Variants in ADGRV1 observed in about 807,000 individuals in gnomAD.
The protein encoded by ADGRV1 is G-protein coupled receptor 98.
Under a neutral mutation model 596.2 loss-of-function variants are expected in ADGRV1, and 359 were observed. That is an observed-to-expected ratio of 0.60 (90% CI 0.55 to 0.66). The LOEUF (loss-of-function observed/expected upper bound fraction) is 0.66. ADGRV1 is among the 30% of genes least tolerant of loss of function. ADGRV1 has a pLI of 0.00. For missense variants in ADGRV1, 7,274 were observed against 7,575.6 expected, an observed-to-expected ratio of 0.96 and a Z score of 1.48; for synonymous variants, 2,681 against 2,679.2, an observed-to-expected ratio of 1.00 and a Z score of -0.02.
chr5:90,748,229 T>G (rs1200683237), intron 52 of ADGRV1, among the ~76,000 whole-genome samples: 1 of 152,166 alleles, frequency 6.6e-6, no homozygotes, highest in Admixed American at 6.5e-5. Flanking sequence ...CTCAATCTGG[T>G]CCATTCCTGG....
At chr5:91,049,064 TAA>T (rs35755357) in intron 85 of ADGRV1, among the ~76,000 whole-genome samples, 4 of 148,322 alleles carry the variant, frequency 2.7e-5, no homozygotes, top group African/African-American at 5.0e-5. Flanking sequence ...TGCTTTTCCT[TAA>T]AAAAAAAAAA....
chr5:90,762,008 G>T (rs1473232400), intron 58 of ADGRV1, among the ~76,000 whole-genome samples: 1 of 152,142 alleles, frequency 6.6e-6, no homozygotes, highest in Non-Finnish European at 1.5e-5. Context: ...TAGATTCACA[G>T]CTGAGGTACA....
intron 87 of ADGRV1, among the ~76,000 whole-genome samples, chr5:91,132,979 T>G (rs1794334449): frequency 6.6e-6 from 1 of 152,162 alleles, no homozygotes; most frequent in African/African-American, 2.4e-5. Flanking sequence ...TGGTAATCAT[T>G]AAAGTGTTAT....
intron 83 of ADGRV1, among the ~76,000 whole-genome samples, chr5:90,948,641 G>A (rs1776801930): frequency 6.6e-6 from 1 of 152,054 alleles, no homozygotes; most frequent in Non-Finnish European, 1.5e-5. Flanking sequence ...AGTTTAAAAT[G>A]CATTAAATAT....
intron 85 of ADGRV1, among the ~76,000 whole-genome samples, chr5:91,044,032 AG>A (rs1025835328): frequency 4.3e-4 from 65 of 152,138 alleles, no homozygotes; most frequent in African/African-American, 1.5e-3. Context: ...GAATGTGTAT[AG>A]GAGATACTCA....
At chr5:91,147,862 G>A (rs977805290) in intron 87 of ADGRV1, among the ~76,000 whole-genome samples, 1 of 152,138 alleles carries the variant, frequency 6.6e-6, no homozygotes, top group African/African-American at 2.4e-5. Flanking sequence ...GAAAAGTGTG[G>A]AACTTCCTAG....
At chr5:90,995,685 A>G (rs1781356115) in intron 85 of ADGRV1, among the ~76,000 whole-genome samples, 1 of 152,206 alleles carries the variant, frequency 6.6e-6, no homozygotes, top group Non-Finnish European at 1.5e-5. Flanking sequence ...CATGAAGATG[A>G]GGGAAAGTTT....
intron 9 of ADGRV1, chr5:90,630,654 A>G (rs900865267): frequency 1.3e-5 from 2 of 152,232 alleles, no homozygotes; most frequent in African/African-American, 4.8e-5. Flanking sequence ...CATTGTGCCA[A>G]CTGAAGTATA....
intron 72 of ADGRV1, among the ~76,000 whole-genome samples, chr5:90,807,102 C>T (rs965163801): frequency 3.9e-5 from 6 of 152,148 alleles, no homozygotes; most frequent in East Asian, 3.8e-4. Context: ...CCGCCCTCGT[C>T]GGCCTCCCAA....
At position 90,788,195 on chromosome 5, in the gene ADGRV1, T is replaced by TTA. The variant is rs1177361983; in HGVS notation, c.13779_13780insAT (p.Leu4594IlefsTer2). Reference sequence around the variant, plus strand: ...GGAGAAGGAGGAGTGAGAACCATAATTCTGACAATCTATCCTCATGAAGAA... The same window carrying TTA: ...GGAGAAGGAGGAGTGAGAACCATAATTATCTGACAATCTATCCTCATGAAGAA... On this transcript the variant is annotated frameshift_variant, in exon 68 of 90. Transcript: ENST00000405460. LOFTEE classifies it high-confidence loss of function. The TTA allele has an allele frequency of 6.2e-7, 1 of 1,613,842 alleles. No individual in the cohort carries two copies. The highest frequency in any genetic ancestry group is 1.1e-5 in the South Asian group (1 of 91,072).
chr5:90,584,457 G>GACTTAAA (rs1200348569), intron 1 of ADGRV1, among the ~76,000 whole-genome samples: 2 of 152,316 alleles, frequency 1.3e-5, no homozygotes, highest in Non-Finnish European at 2.9e-5. Flanking sequence ...AAAAATTAAT[G>GACTTAAA]ACTTAAAATA....
chr5:91,025,190 T>G (rs1197963565), intron 85 of ADGRV1, among the ~76,000 whole-genome samples: 1 of 152,180 alleles, frequency 6.6e-6, no homozygotes, highest in African/African-American at 2.4e-5. Context: ...TGTTCTGTTT[T>G]CTGCTTACTC....
intron 59 of ADGRV1, among the ~76,000 whole-genome samples, chr5:90,770,220 C>T (rs978094109): frequency 6.6e-6 from 1 of 152,086 alleles, no homozygotes; most frequent in Non-Finnish European, 1.5e-5. Flanking sequence ...GGCAAGAGAG[C>T]GTGTGTAGGG....
At chr5:91,107,642 G>C (rs1792009858) in intron 87 of ADGRV1, among the ~76,000 whole-genome samples, 1 of 152,140 alleles carries the variant, frequency 6.6e-6, no homozygotes, top group African/African-American at 2.4e-5. Context: ...AAAAGGTATG[G>C]AGCAGTTTCT....
intron 1 of ADGRV1, among the ~76,000 whole-genome samples, chr5:90,606,755 C>G (rs182154596): frequency 6.6e-6 from 1 of 151,486 alleles, no homozygotes; most frequent in Non-Finnish European, 1.5e-5. Flanking sequence ...AGTGGTTGCC[C>G]TCTACACCTA....
chr5:90,817,545 A>G lies in ADGRV1; in HGVS notation c.16196+1809A>G, dbSNP rs1488363945. ...TTTCTTCTAGGGTTTTTATGGTTTT[A>G]GGTCTAATGTTTAAGTCTTTAATCC... On this transcript the variant is annotated intron_variant, in intron 75 of 89. Coordinates refer to ENST00000405460, the MANE Select transcript of ADGRV1 (RefSeq NM_032119.4). Among the ~76,000 whole-genome samples, 13 of 151,664 alleles carry G rather than the reference A, an allele frequency of 8.6e-5. No homozygotes were observed. The East Asian group carries it at 2.1e-3, about 25-fold the overall frequency.
intron 86 of ADGRV1, among the ~76,000 whole-genome samples, chr5:91,077,934 G>C (rs945468870): frequency 3.3e-5 from 5 of 152,102 alleles, no homozygotes; most frequent in African/African-American, 1.2e-4. Flanking sequence ...TCATGGATCA[G>C]GAGAGGAAAA....
At chr5:90,833,541 A>G (rs935520500) in intron 77 of ADGRV1, among the ~76,000 whole-genome samples, 4 of 152,084 alleles carry the variant, frequency 2.6e-5, no homozygotes, top group African/African-American at 9.7e-5. Flanking sequence ...AACTTCAGCT[A>G]TCCAAAGTGC....
At chr5:90,623,278 G>C (rs1462364460) in intron 5 of ADGRV1, among the ~76,000 whole-genome samples, 1 of 152,162 alleles carries the variant, frequency 6.6e-6, no homozygotes, top group East Asian at 1.9e-4. Context: ...TCATAGGATA[G>C]AATAATAATG....
Sources: allele counts gnomAD v4.1 joint callset (sites outside exome capture counted in the v4.1 genomes callset), GRCh38; gene constraint gnomAD v4.1.1; transcripts MANE v1.5; gene names NCBI Gene and HGNC (gene_info 2026-07-23, HGNC 2026-07-21).